The following ARHGAP6 variants were observed in gnomAD, a reference collection of about 807,000 sequenced individuals.
ARHGAP6 encodes rho GTPase-activating protein 6.
ARHGAP6 carries 16 observed loss-of-function variants against 55.7 expected under a neutral mutation model. The ratio of observed to expected loss-of-function variants is 0.29; its 90% CI spans 0.19 to 0.44. The LOEUF (loss-of-function observed/expected upper bound fraction) is 0.44, where lower values mean the gene tolerates loss of function less well. ARHGAP6 is among the 20% of genes least tolerant of loss of function. ARHGAP6 has a pLI of 1.00. For synonymous variants in ARHGAP6, 382 were observed against 360.9 expected, an observed-to-expected ratio of 1.06 and a Z score of -0.66; for missense variants, 698 against 808.9, an observed-to-expected ratio of 0.86 and a Z score of 1.66.
At chrX:11,257,298 A>G (rs1262644651) in intron 1 of ARHGAP6, among the ~76,000 whole-genome samples, 3 of 112,220 alleles carry the variant, frequency 2.7e-5, no homozygotes, top group African/African-American at 9.7e-5. Flanking sequence ...GTGACCTCCA[A>G]TGGGCTTAAT....
intron 1 of ARHGAP6, among the ~76,000 whole-genome samples, chrX:11,373,042 A>C (rs2049162562): frequency 9.2e-6 from 1 of 108,998 alleles, no homozygotes; most frequent in African/African-American, 3.3e-5. Flanking sequence ...GATTCTAATA[A>C]TTCTAAATTT....
chrX:11,584,885 T>C (rs759378849), intron 1 of ARHGAP6, among the ~76,000 whole-genome samples: 3 of 111,963 alleles, frequency 2.7e-5, no homozygotes, highest in South Asian at 3.7e-4. Context: ...GTTCATTATA[T>C]AGGGAAATCA....
At chrX:11,286,498 A>G (rs1254406076) in intron 1 of ARHGAP6, among the ~76,000 whole-genome samples, 3 of 111,362 alleles carry the variant, frequency 2.7e-5, no homozygotes, top group African/African-American at 9.8e-5. Context: ...GTCTTTCCAC[A>G]ACAGCACCCT....
At chrX:11,596,278 G>A (rs1371225746) in intron 1 of ARHGAP6, among the ~76,000 whole-genome samples, 4 of 111,801 alleles carry the variant, frequency 3.6e-5, no homozygotes, top group Admixed American at 9.5e-5. Context: ...TTGCAGGGAC[G>A]TGGATAAAGT....
chrX:11,357,862 C>G (rs1311780642), intron 1 of ARHGAP6, among the ~76,000 whole-genome samples: 1 of 112,099 alleles, frequency 8.9e-6, no homozygotes, highest in East Asian at 2.8e-4. Context: ...GAACTTGAGT[C>G]TTAATTATAT....
At chrX:11,611,939 C>T (rs1396003262) in intron 1 of ARHGAP6, among the ~76,000 whole-genome samples, 1 of 110,510 alleles carries the variant, frequency 9.0e-6, no homozygotes, top group Non-Finnish European at 1.9e-5. Flanking sequence ...AAAAAAAGCC[C>T]TCAAAGAATT....
chrX:11,661,974 C>A (rs1261097250), intron 1 of ARHGAP6, among the ~76,000 whole-genome samples: 1 of 112,184 alleles, frequency 8.9e-6, no homozygotes, highest in South Asian at 3.7e-4. Context: ...CAGGACAGCT[C>A]TGTAGCAAAG....
intron 1 of ARHGAP6, among the ~76,000 whole-genome samples, chrX:11,311,978 G>A (rs1458897483): frequency 9.7e-6 from 1 of 103,398 alleles, no homozygotes; most frequent in Non-Finnish European, 2.0e-5. Flanking sequence ...CAAGCTCAAC[G>A]AAATATGAGG....
At chrX:11,483,264 C>T (rs1603227839) in intron 1 of ARHGAP6, among the ~76,000 whole-genome samples, 1 of 111,849 alleles carries the variant, frequency 8.9e-6, no homozygotes, top group Non-Finnish European at 1.9e-5. Flanking sequence ...AAAAGCTGTC[C>T]CTTCACTTAG....
intron 8 of ARHGAP6, 91 bp from the exon 9 acceptor site, chrX:11,169,775 T>A: frequency 1.8e-6 from 1 of 544,465 alleles, no homozygotes. Context: ...TTACTCTCCT[T>A]TTTTTTTTTT....
At chrX:11,362,255 C>G (rs753965134) in intron 1 of ARHGAP6, among the ~76,000 whole-genome samples, 1 of 111,710 alleles carries the variant, frequency 9.0e-6, no homozygotes, top group South Asian at 3.8e-4. Context: ...GGAACCAACC[C>G]AAATGTCCAA....
intron 2 of ARHGAP6, among the ~76,000 whole-genome samples, chrX:11,213,718 G>A (rs947418530): frequency 8.9e-6 from 1 of 111,810 alleles, no homozygotes; most frequent in African/African-American, 3.3e-5. Flanking sequence ...AACATAGAGA[G>A]TGGAAAGATA....
At chrX:11,274,057 C>T (rs1052624356) in intron 1 of ARHGAP6, among the ~76,000 whole-genome samples, 1 of 111,184 alleles carries the variant, frequency 9.0e-6, no homozygotes, top group African/African-American at 3.3e-5. Flanking sequence ...GGACCTTAGT[C>T]CTGAGTTTGT....
At chrX:11,192,792 G>A (rs1194191447) in intron 3 of ARHGAP6, among the ~76,000 whole-genome samples, 1 of 111,524 alleles carries the variant, frequency 9.0e-6, no homozygotes, top group Non-Finnish European at 1.9e-5. Flanking sequence ...GTTGTGGGGG[G>A]TACAATCTCC....
intron 1 of ARHGAP6, among the ~76,000 whole-genome samples, chrX:11,296,535 G>A (rs773412450): frequency 8.9e-6 from 1 of 111,799 alleles, no homozygotes; most frequent in Non-Finnish European, 1.9e-5. Context: ...ATAACCCCAG[G>A]AACAGTCATT....
chrX:11,458,214 T>C (rs184936706), intron 1 of ARHGAP6, among the ~76,000 whole-genome samples: 10 of 112,627 alleles, frequency 8.9e-5, no homozygotes, highest in African/African-American at 2.3e-4. Context: ...CTAAATTTGA[T>C]GCAGCTGAAC....
chrX:11,208,531 T>C lies in ARHGAP6; in HGVS notation c.749-11535A>G, dbSNP rs374721211. 3.0e-4 allele frequency among the ~76,000 whole-genome samples: 34 copies of C among 112,164 alleles called. No homozygotes were observed. The South Asian group carries it at 0.013, about 42-fold the overall frequency. ...AGGTTAGCTCAGCAGATCTGTGTTG[T>C]CCAAACCCTGCACTTTCCAAAGAAC... is the stretch of plus-strand genomic sequence containing the variant. On this transcript the variant is annotated intron_variant, in intron 2 of 12. Transcript: ENST00000337414.
chrX:11,240,218 A>G (rs2047256334), intron 2 of ARHGAP6, among the ~76,000 whole-genome samples: 1 of 112,510 alleles, frequency 8.9e-6, no homozygotes, highest in African/African-American at 3.2e-5. Context: ...CAAAGGATCC[A>G]CTTACTGCCA....
chrX:11,414,133 T>C (rs1252759014), intron 1 of ARHGAP6, among the ~76,000 whole-genome samples: 1 of 112,107 alleles, frequency 8.9e-6, no homozygotes, highest in Non-Finnish European at 1.9e-5. Flanking sequence ...ATTTGAGACA[T>C]AGCATTAGAC....
Sources: allele counts gnomAD v4.1 joint callset (sites outside exome capture counted in the v4.1 genomes callset), GRCh38; gene constraint gnomAD v4.1.1; transcripts MANE v1.5; gene names NCBI Gene and HGNC (gene_info 2026-07-23, HGNC 2026-07-21).